INPP4B: variants seen among roughly 807,000 people sequenced by gnomAD.
INPP4B encodes the protein inositol polyphosphate-4-phosphatase type II B, also known as inositol polyphosphate 4-phosphatase type II.
In INPP4B, 55 loss-of-function variants were observed where a neutral mutation model predicts 122.5. The ratio of observed to expected loss-of-function variants is 0.45; its 90% CI spans 0.36 to 0.56. INPP4B has a LOEUF of 0.56. INPP4B is among the 20% of genes least tolerant of loss of function. INPP4B has a pLI of 0.00. For missense variants in INPP4B, 1,000 were observed against 1,097.7 expected (o/e 0.91, Z 1.26); for synonymous variants, 403 against 388.7 (o/e 1.04, Z -0.43).
intron 2 of INPP4B, among the ~76,000 whole-genome samples, chr4:142,669,740 T>C (rs1756708689): frequency 1.3e-5 from 2 of 152,120 alleles, no homozygotes; most frequent in South Asian, 2.1e-4. Context: ...TTCCATAACA[T>C]TGGTCTGGGC....
chr4:142,411,902 C>T (rs901033100), intron 5 of INPP4B, among the ~76,000 whole-genome samples: 4 of 151,920 alleles, frequency 2.6e-5, no homozygotes, highest in African/African-American at 9.7e-5. Flanking sequence ...AAAAACAAAA[C>T]AAAAAAACCC....
chr4:142,772,372 A>C (rs930250650), intron 1 of INPP4B, among the ~76,000 whole-genome samples: 6 of 152,102 alleles, frequency 3.9e-5, no homozygotes, highest in African/African-American at 1.4e-4. Flanking sequence ...CAGCAGAAGG[A>C]AATAGCTGTG....
At chr4:142,469,152 T>C (rs995396112) in intron 2 of INPP4B, among the ~76,000 whole-genome samples, 39 of 151,916 alleles carry the variant, frequency 2.6e-4, no homozygotes, top group Admixed American at 2.6e-3. Flanking sequence ...AAAAAAATTC[T>C]ATTAGAATTA....
At chr4:142,733,977 T>C (rs1208818361) in intron 1 of INPP4B, among the ~76,000 whole-genome samples, 1 of 152,116 alleles carries the variant, frequency 6.6e-6, no homozygotes, top group Non-Finnish European at 1.5e-5. Context: ...AAGAAAGAAG[T>C]CACATGGAAA....
At chr4:142,805,345 G>T (rs1778551240) in intron 1 of INPP4B, among the ~76,000 whole-genome samples, 1 of 152,062 alleles carries the variant, frequency 6.6e-6, no homozygotes, top group African/African-American at 2.4e-5. Context: ...TAAGTAGAAA[G>T]ACATAATAAA....
intron 2 of INPP4B, among the ~76,000 whole-genome samples, chr4:142,629,126 C>T (rs976184714): frequency 6.6e-6 from 1 of 151,722 alleles, no homozygotes; most frequent in Non-Finnish European, 1.5e-5. Context: ...AAGAGTGTGC[C>T]CAGTGGTTCT....
At position 142,154,586 on chromosome 4, in the gene INPP4B, G is replaced by A. The variant is rs533875514; in HGVS notation, c.1563+5772C>T. The stretch of plus-strand genomic sequence containing the variant: ...TTAGAGTTGATTAAGACACTGGGAA[G>A]TAAGAACCAAGAAGAGAAGGACATA... On this transcript the variant is annotated intron_variant, in intron 17 of 25. Transcript: ENST00000262992. Among the ~76,000 whole-genome samples, 97 of 152,214 alleles carry A rather than the reference G, an allele frequency of 6.4e-4. 5 individuals are homozygous for A. In the South Asian group the frequency reaches 0.019, roughly 30 times the overall value.
intron 2 of INPP4B, among the ~76,000 whole-genome samples, chr4:142,699,564 A>G (rs1018930773): frequency 2.0e-5 from 3 of 152,146 alleles, no homozygotes; most frequent in African/African-American, 7.2e-5. Context: ...CTTTATATCC[A>G]TGATCTTTAT....
rs1161718190 is a variant in INPP4B at position 142,030,341 on chromosome 4, G to A, written c.2643-1427C>T. 4 of 1,515,730 alleles carry A rather than the reference G, an allele frequency of 2.6e-6. No individual in the cohort carries two copies. The African/African-American group carries it at 4.1e-5, about 16-fold the overall frequency. 93.9% of individuals were successfully genotyped at this position (1,515,730 alleles called of 1,614,324 possible). The stretch of plus-strand genomic sequence containing the variant: ...GGAAGTTGGGGGGGAAAAGAAAATA[G>A]TATAGAGTTCACACAGTAAAAAAAA... On this transcript the variant is annotated intron_variant, in intron 25 of 25. Coordinates refer to ENST00000262992, the MANE Select transcript of INPP4B (RefSeq NM_001101669.3).
chr4:142,648,344 G>T (rs1752237004), intron 2 of INPP4B, among the ~76,000 whole-genome samples: 2 of 152,214 alleles, frequency 1.3e-5, no homozygotes, highest in East Asian at 3.9e-4. Context: ...CCCATGGAGG[G>T]TGAGCCAAAG....
chr4:142,241,557 AT>A (rs1013170775), intron 11 of INPP4B, among the ~76,000 whole-genome samples: 7 of 152,182 alleles, frequency 4.6e-5, no homozygotes, highest in African/African-American at 1.2e-4. Flanking sequence ...CTGCTTTTTC[AT>A]GGGATTCAGT....
At chr4:142,550,338 C>T (rs186873398) in intron 2 of INPP4B, among the ~76,000 whole-genome samples, 204 of 152,122 alleles carry the variant, frequency 1.3e-3, no homozygotes, top group African/African-American at 4.6e-3. Context: ...TAGGAACAGA[C>T]AGGATGATTC....
In INPP4B at chr4:142,298,415, G is replaced by A. The variant is rs181844715; in HGVS notation, c.503+7043C>T. 3.9e-4 allele frequency among the ~76,000 whole-genome samples: 60 copies of A among 151,956 alleles called. No homozygotes were observed. The East Asian group carries it at 6.0e-3, about 15-fold the overall frequency. On this transcript the variant is annotated intron_variant, in intron 9 of 25. Transcript: ENST00000262992. ...AAAATAATTTGATCAGGCCATGCGC[G>A]GTGGCTCACACCTGTAACCCCAGCA... is the stretch of plus-strand genomic sequence containing the variant.
intron 2 of INPP4B, among the ~76,000 whole-genome samples, chr4:142,698,631 T>C (rs374712406): frequency 6.6e-6 from 1 of 152,204 alleles, no homozygotes; most frequent in East Asian, 1.9e-4. Flanking sequence ...AAAAACCTAC[T>C]GTGATCTTTC....
intron 23 of INPP4B, among the ~76,000 whole-genome samples, chr4:142,101,969 T>C (rs1229160388): frequency 6.6e-6 from 1 of 152,052 alleles, no homozygotes; most frequent in African/African-American, 2.4e-5. Flanking sequence ...CTAATAAAAT[T>C]CAATTTTAGA....
At chr4:142,098,222 T>C (rs1465519937) in intron 23 of INPP4B, among the ~76,000 whole-genome samples, 1 of 151,968 alleles carries the variant, frequency 6.6e-6, no homozygotes, top group Non-Finnish European at 1.5e-5. Context: ...GAAGTCAGTG[T>C]GGAGCAGAGT....
chr4:142,537,417 TATATATATATATAGAGAG>T (rs1391639294), intron 2 of INPP4B, among the ~76,000 whole-genome samples: 14 of 49,704 alleles, frequency 2.8e-4, no homozygotes, highest in African/African-American at 8.1e-4. Context: ...TATATATATA[TATATATATATATAGAGAG>T]AGAGAGAGAG....
At chr4:142,734,430 C>T (rs1766527403) in intron 1 of INPP4B, among the ~76,000 whole-genome samples, 1 of 152,088 alleles carries the variant, frequency 6.6e-6, no homozygotes, top group South Asian at 2.1e-4. Context: ...GGATACAGTA[C>T]CTGAAAGAGG....
intron 2 of INPP4B, among the ~76,000 whole-genome samples, chr4:142,644,740 TAAAAAAAAAA>T (rs55700762): frequency 1.1e-4 from 8 of 71,046 alleles, no homozygotes; most frequent in East Asian, 3.6e-4. Flanking sequence ...CATCTCTACT[TAAAAAAAAAA>T]AAAAAAAAAA....
Sources: gnomAD v4.1 joint callset for allele counts (sites outside exome capture counted in the v4.1 genomes callset) on GRCh38, gnomAD v4.1.1 for gene constraint, MANE v1.5 for transcripts, NCBI Gene and HGNC (gene_info 2026-07-23, HGNC 2026-07-21) for gene names.